Variants in SLC26A7 observed in about 807,000 individuals in gnomAD.
SLC26A7 encodes the protein anion exchange transporter.
Under a neutral mutation model 82.5 loss-of-function variants are expected in SLC26A7, and 59 were observed. That is an observed-to-expected ratio of 0.72 (90% CI 0.58 to 0.89). The LOEUF is 0.89. Among genes scored for constraint, SLC26A7 ranks in the 40% least tolerant of loss-of-function variants. The pLI, the probability that SLC26A7 is intolerant of heterozygous loss-of-function variation, is 0.00. For synonymous variants in SLC26A7, 271 were observed against 274.3 expected (o/e 0.99, Z 0.12); for missense variants, 820 against 793.0 (o/e 1.03, Z -0.41).
intron 9 of SLC26A7, 35 bp downstream of exon 9, chr8:91,343,501 T>G (rs1813476577): frequency 6.7e-7 from 1 of 1,487,400 alleles, no homozygotes; most frequent in Admixed American, 1.7e-5. Context: ...AAAGCACTGC[T>G]GGGCCTTCAC....
intron 9 of SLC26A7, among the ~76,000 whole-genome samples, chr8:91,349,896 C>A (rs1813666461): frequency 6.6e-6 from 1 of 152,166 alleles, no homozygotes; most frequent in Non-Finnish European, 1.5e-5. Context: ...TGACTGGATC[C>A]TGTGAGCTGC....
At chr8:91,296,408 TTA>T (rs1308077272) in intron 4 of SLC26A7, among the ~76,000 whole-genome samples, 1 of 152,198 alleles carries the variant, frequency 6.6e-6, no homozygotes, top group Non-Finnish European at 1.5e-5. Context: ...GTCAACTGAA[TTA>T]TGTGTGCATA....
intron 4 of SLC26A7, among the ~76,000 whole-genome samples, chr8:91,315,751 T>C (rs959312374): frequency 5.3e-5 from 8 of 152,212 alleles, no homozygotes; most frequent in Non-Finnish European, 1.5e-5. Context: ...GAAAATGTAG[T>C]GTGGCCCTTC....
chr8:91,291,417 A>T (rs1201230847), intron 3 of SLC26A7, among the ~76,000 whole-genome samples: 1 of 152,086 alleles, frequency 6.6e-6, no homozygotes, highest in African/African-American at 2.4e-5. Context: ...ATTAAAGCCT[A>T]TTTTTTCAAT....
At chr8:91,302,387 T>A (rs1255720962) in intron 4 of SLC26A7, among the ~76,000 whole-genome samples, 3 of 152,120 alleles carry the variant, frequency 2.0e-5, no homozygotes, top group Non-Finnish European at 4.4e-5. Flanking sequence ...CATAAGACCA[T>A]CCAATGTCTC....
At chr8:91,273,029 T>C (rs1230672643) in intron 2 of SLC26A7, among the ~76,000 whole-genome samples, 1 of 152,182 alleles carries the variant, frequency 6.6e-6, no homozygotes, top group Non-Finnish European at 1.5e-5. Context: ...TTTTATGTAA[T>C]ATAAGGGTGA....
intron 6 of SLC26A7, 54 bp downstream of exon 6, chr8:91,334,501 G>T: frequency 1.3e-6 from 2 of 1,509,746 alleles, no homozygotes; most frequent in Non-Finnish European, 1.8e-6. Flanking sequence ...TCCAGTTCTT[G>T]GGGAGATCTG....
chr8:91,266,330 T>TA (rs1811111555), intron 2 of SLC26A7, among the ~76,000 whole-genome samples: 1 of 152,016 alleles, frequency 6.6e-6, no homozygotes, highest in African/African-American at 2.4e-5. Context: ...TTGGATAGTA[T>TA]GGACATTTTA....
chr8:91,280,813 G>T (rs1404243932), intron 2 of SLC26A7, among the ~76,000 whole-genome samples: 1 of 152,192 alleles, frequency 6.6e-6, no homozygotes, highest in Non-Finnish European at 1.5e-5. Flanking sequence ...TATTCCAAAA[G>T]AAAGTGTTCT....
chr8:91,370,546 A>C (rs1321684106), intron 15 of SLC26A7, among the ~76,000 whole-genome samples: 2 of 152,088 alleles, frequency 1.3e-5, no homozygotes, highest in Non-Finnish European at 2.9e-5. Context: ...ATTTACCTGA[A>C]AAATCAGGTG....
chr8:91,331,346 G>A (rs1813075512), intron 5 of SLC26A7, among the ~76,000 whole-genome samples: 1 of 152,068 alleles, frequency 6.6e-6, no homozygotes, highest in African/African-American at 2.4e-5. Flanking sequence ...CTAAAATAAT[G>A]AATTTAATGG....
intron 2 of SLC26A7, among the ~76,000 whole-genome samples, chr8:91,275,679 A>T (rs115276769): frequency 0.01 from 1,571 of 152,262 alleles, 19 homozygotes; most frequent in African/African-American, 0.036. Flanking sequence ...CTTATTGTGC[A>T]TAAACTTTGG....
At chr8:91,220,790 G>A (rs967670005) in intron 2 of SLC26A7, among the ~76,000 whole-genome samples, 41 of 152,066 alleles carry the variant, frequency 2.7e-4, no homozygotes, top group African/African-American at 9.4e-4. Context: ...CTTTGCTATT[G>A]TAAATAGTGC....
chr8:91,357,764 C>A (rs1813913662), intron 11 of SLC26A7, among the ~76,000 whole-genome samples: 1 of 152,166 alleles, frequency 6.6e-6, no homozygotes. Context: ...CAAATGGGAT[C>A]TAACTAAACT....
intron 4 of SLC26A7, among the ~76,000 whole-genome samples, chr8:91,304,720 T>G (rs1464678195): frequency 6.6e-6 from 1 of 152,196 alleles, no homozygotes; most frequent in African/African-American, 2.4e-5. Context: ...GCAAGGAAAC[T>G]TAATCCATCT....
At position 91,352,933 on chromosome 8, in the gene SLC26A7, G is replaced by A. The variant is rs138898661; in HGVS notation, c.1251G>A (p.Leu417=). The A allele has an allele frequency of 6.2e-7, 1 of 1,608,740 alleles. No homozygotes were observed. Among genetic ancestry groups the A allele is most frequent in the African/African-American group, 1.3e-5 (1 of 74,770 alleles). Residue 417 remains leucine (L), a synonymous_variant, in exon 11 of 19, where the codon CTG becomes CTA. Coordinates refer to ENST00000276609, the MANE Select transcript of SLC26A7 (RefSeq NM_052832.4). ...CVLASIIVVG[L]KGMLIQFRDL... ...TTGCAAGCATTATTGTTGTGGGACT[G>A]AAGGGAATGCTAATACAGTTCCGAG... is the stretch of plus-strand genomic sequence containing the variant.
At chr8:91,349,040 G>T (rs904560924) in intron 9 of SLC26A7, among the ~76,000 whole-genome samples, 3 of 152,134 alleles carry the variant, frequency 2.0e-5, no homozygotes, top group African/African-American at 7.2e-5. Flanking sequence ...AAATTTCAGT[G>T]TCCTGGCTTC....
chr8:91,231,883 C>G (rs1244991859), intron 2 of SLC26A7, among the ~76,000 whole-genome samples: 1 of 152,108 alleles, frequency 6.6e-6, no homozygotes, highest in Non-Finnish European at 1.5e-5. Flanking sequence ...AGAGAATTAT[C>G]TGACATTACT....
intron 4 of SLC26A7, among the ~76,000 whole-genome samples, chr8:91,296,764 A>G (rs571832767): frequency 1.3e-5 from 2 of 152,308 alleles, no homozygotes; most frequent in African/African-American, 2.4e-5. Flanking sequence ...AGTATTTTCT[A>G]TGGCTTGTAT....
Sources: gnomAD v4.1 joint callset for allele counts (sites outside exome capture counted in the v4.1 genomes callset) on GRCh38, gnomAD v4.1.1 for gene constraint, MANE v1.5 for transcripts, NCBI Gene and HGNC (gene_info 2026-07-23, HGNC 2026-07-21) for gene names.